TATDN2: variants seen among roughly 807,000 people sequenced by gnomAD.
The protein encoded by TATDN2 is 3'-5' RNA nuclease TATDN2.
Under a neutral mutation model 60.3 loss-of-function variants are expected in TATDN2, and 44 were observed. The observed-to-expected ratio is 0.73, with a 90% CI of 0.57 to 0.94. TATDN2 has a LOEUF of 0.94. Among genes scored for constraint, TATDN2 ranks in the 40% least tolerant of loss-of-function variants. The pLI is 0.00. For synonymous variants in TATDN2, 399 were observed against 355.8 expected (o/e 1.12, Z -1.37); for missense variants, 997 against 948.0 (o/e 1.05, Z -0.68).
At chr3:10,261,193 A>G (rs958487486) in intron 3 of TATDN2, among the ~76,000 whole-genome samples, 1 of 152,202 alleles carries the variant, frequency 6.6e-6, no homozygotes, top group Non-Finnish European at 1.5e-5. Flanking sequence ...GCTGTTGACA[A>G]GAGCGGGGAA....
At chr3:10,268,843 G>A (rs1290681682) in intron 3 of TATDN2, among the ~76,000 whole-genome samples, 2 of 152,184 alleles carry the variant, frequency 1.3e-5, no homozygotes, top group Non-Finnish European at 2.9e-5. Context: ...TCCTGATCTC[G>A]TGGCGCTTAC....
Position 10,278,328 on chromosome 3 carries a change from T to C in TATDN2, c.2011T>C (p.Phe671Leu). 1 of 1,614,200 alleles carries C rather than the reference T, an allele frequency of 6.2e-7. No homozygotes were observed. The highest frequency in any genetic ancestry group is 1.7e-5 in the Admixed American group (1 of 60,026). Residue 671 changes from phenylalanine to leucine, a missense_variant, in exon 6 of 8, where the codon TTT becomes CTT. Physicochemically the swap from Phe to Leu is conservative, Grantham distance 22. Transcript: ENST00000448281. The surrounding 1 kb of genome is among the most constrained non-coding windows in gnomAD (Gnocchi z 4.7). ...YPVIEPLLKY[F>L]PNMSVGFTAV... is the part of the protein sequence containing the mutation. ...GGTCATTGAGCCCCTGCTGAAGTACTTTCCCAACATGTCTGTGGGCTTCAC... is the reference window on the plus strand; with the variant it reads ...GGTCATTGAGCCCCTGCTGAAGTACCTTCCCAACATGTCTGTGGGCTTCAC...
rs1401550212 is a variant in TATDN2 at position 10,249,313 on chromosome 3, C to G, written c.113C>G (p.Pro38Arg). 6.2e-7 allele frequency: 1 copy of G among 1,608,314 alleles called. No individual in the cohort carries two copies. The highest frequency in any genetic ancestry group is 1.1e-5 in the South Asian group (1 of 90,790). ...EPCDVAPSSR[P>R]AQRSASRSGG... ...TGTGATGTGGCCCCCTCCAGCCGGC[C>G]AGCTCAGAGGTCTGCGTCGCGTTCT... Residue 38 changes from proline to arginine, a missense_variant, in exon 2 of 8, where the codon CCA becomes CGA. Transcript: ENST00000448281.
In TATDN2 at chr3:10,267,615, C is replaced by T. The variant is rs971119005; in HGVS notation, c.949-2516C>T. Among the ~76,000 whole-genome samples, 9 of 152,238 alleles carry T rather than the reference C, an allele frequency of 5.9e-5. No homozygotes were observed. In the East Asian group the frequency reaches 1.2e-3, roughly 20 times the overall value. ...TTGTAAAAAATGGGGTCATATGTCT[C>T]GTTTTTGCTGATGAGAATATAGTAC... On this transcript the variant is annotated intron_variant, in intron 3 of 7. Transcript: ENST00000448281.
intron 3 of TATDN2, among the ~76,000 whole-genome samples, chr3:10,263,840 C>A (rs898358954): frequency 1.3e-5 from 2 of 152,182 alleles, no homozygotes; most frequent in Non-Finnish European, 2.9e-5. Flanking sequence ...AGCGTAAAGA[C>A]TTTGAGCTTT....
chr3:10,249,735 C>G (rs568877843), intron 2 of TATDN2, 121 bp downstream of exon 2: 1 of 1,219,012 alleles, frequency 8.2e-7, no homozygotes, highest in Admixed American at 3.6e-5. Flanking sequence ...TCTGGAAGGT[C>G]TTTCTAGAAG....
Position 10,270,232 on chromosome 3 carries a change from C to A in TATDN2, c.1050C>A (p.Val350=). The A allele has an allele frequency of 4.3e-6, 7 of 1,614,190 alleles. No individual in the cohort carries two copies. The highest frequency in any genetic ancestry group is 5.9e-6 in the Non-Finnish European group (7 of 1,180,050). Residue 350 remains valine (V), a synonymous_variant, in exon 4 of 8, where the codon GTC becomes GTA. Coordinates refer to ENST00000448281, the MANE Select transcript of TATDN2 (RefSeq NM_014760.4). The stretch of plus-strand genomic sequence containing the variant: ...TCAGATTCTCTCAGGAGGAACCTGT[C>A]TCCCTGAAACCTTCAGCCGTTCCGG... ...STVRFSQEEP[V]SLKPSAVPEP...
At chr3:10,260,089 G>C (rs187508524) in intron 2 of TATDN2, 48 bp from the exon 3 acceptor site, 1 of 1,559,198 alleles carries the variant, frequency 6.4e-7, no homozygotes, top group East Asian at 2.2e-5. Flanking sequence ...CTTCATGTAC[G>C]AAAGTGCCCT....
chr3:10,274,360 C>T (rs1054989818), intron 4 of TATDN2, among the ~76,000 whole-genome samples: 15 of 151,434 alleles, frequency 9.9e-5, no homozygotes, highest in Non-Finnish European at 1.9e-4. Flanking sequence ...ATGCACCTGT[C>T]GTAGGTTGGA....
Position 10,260,632 on chromosome 3 carries a change from T to C in TATDN2, c.910T>C (p.Phe304Leu). 1 of 1,613,926 alleles carries C rather than the reference T, an allele frequency of 6.2e-7. No individual in the cohort carries two copies. The change falls in exon 3 of 8, where the codon TTC becomes CTC. Residue 304 changes from phenylalanine to leucine, a missense_variant. By Grantham distance (22) the Phe-to-Leu change is conservative. Transcript: ENST00000448281. ...VIDKCSPPLE[F>L]LDDSDSHLEI... is the part of the protein sequence containing the mutation. Reference sequence around the variant, plus strand: ...TGACAAATGCTCTCCACCCCTAGAGTTCTTGGATGACTCTGACTCTCATTT... The same window carrying C: ...TGACAAATGCTCTCCACCCCTAGAGCTCTTGGATGACTCTGACTCTCATTT...
rs1451866493 is a variant in TATDN2 at position 10,249,521 on chromosome 3, G to C, written c.321G>C (p.Arg107=). The change falls in exon 2 of 8, where the codon CGG becomes CGC. Residue 107 remains arginine (R), a synonymous_variant. Transcript: ENST00000448281. The part of the protein sequence containing the change: ...ASKGCLIRNT[R]GFLSSGGSPL... ...AAGGCTGCCTGATTCGGAACACTCG[G>C]GGGTTCCTGTCTTCAGGGGGATCCC... 6.2e-7 allele frequency: 1 copy of C among 1,607,092 alleles called. No homozygotes were observed. Among genetic ancestry groups the C allele is most frequent in the Non-Finnish European group, 8.5e-7 (1 of 1,176,634 alleles).
intron 3 of TATDN2, among the ~76,000 whole-genome samples, chr3:10,262,029 C>T (rs928354843): frequency 2.0e-5 from 3 of 152,204 alleles, no homozygotes; most frequent in Non-Finnish European, 4.4e-5. Context: ...ACTTCATTTT[C>T]CTTAAAGTTC....
In TATDN2 at chr3:10,278,670, CA is replaced by C; in HGVS notation, c.2145+211del. On this transcript the variant is annotated intron_variant, in intron 6 of 7. Transcript: ENST00000448281. This position sits in a 1 kb window ranked among gnomAD's most constrained non-coding sequence, Gnocchi z 4.7. ...GGTAACCACTCTCTTCCAGGCAGTG[CA>C]AAGCCCTACCCTGTAGAGGGTAGTC... 1 of 979,596 alleles carries C rather than the reference CA, an allele frequency of 1.0e-6. No individual in the cohort carries two copies. The highest frequency in any genetic ancestry group is 1.6e-6 in the Non-Finnish European group (1 of 636,798). 60.7% of individuals were successfully genotyped at this position (979,596 alleles called of 1,614,324 possible).
intron 4 of TATDN2, among the ~76,000 whole-genome samples, chr3:10,272,900 G>A (rs1698586589): frequency 6.6e-6 from 1 of 151,928 alleles, no homozygotes; most frequent in Non-Finnish European, 1.5e-5. Flanking sequence ...TTAGCTGGGT[G>A]TGATGGTACA....
intron 4 of TATDN2, among the ~76,000 whole-genome samples, chr3:10,272,179 A>C (rs1439234288): frequency 6.6e-6 from 1 of 151,458 alleles, no homozygotes. Flanking sequence ...GCCACAGCTC[A>C]CTGCAGCCTT....
chr3:10,275,663 T>A (rs541722015), intron 4 of TATDN2, among the ~76,000 whole-genome samples: 29 of 152,184 alleles, frequency 1.9e-4, no homozygotes, highest in Non-Finnish European at 3.4e-4. Context: ...GGAGAATCGC[T>A]TGAACCCAGG....
chr3:10,271,803 G>A (rs1234753645), intron 4 of TATDN2, among the ~76,000 whole-genome samples: 3 of 104,118 alleles, frequency 2.9e-5, no homozygotes, highest in Non-Finnish European at 5.2e-5. Flanking sequence ...CTCCACCTCC[G>A]CCTCCGCCTC....
chr3:10,263,202 A>ATT (rs1263923105), intron 3 of TATDN2, among the ~76,000 whole-genome samples: 4 of 134,682 alleles, frequency 3.0e-5, no homozygotes, highest in East Asian at 2.2e-4. Context: ...CCCAACCTGT[A>ATT]TTTTTTTTTT....
In TATDN2 at chr3:10,278,910, C is replaced by G. The variant is rs1389380204; in HGVS notation, c.2171C>G (p.Ala724Gly). The change falls in exon 7 of 8, where the codon GCC becomes GGC. Residue 724 changes from alanine to glycine, a missense_variant. Ala to Gly is a moderately conservative substitution (Grantham distance 60). Transcript: ENST00000448281. The surrounding 1 kb of genome is among the most constrained non-coding windows in gnomAD (Gnocchi z 4.7). ...GTTCCCAAAAGCCTTTGCCAGTATG[C>G]CCACCCGGGCCTGGCCTTGCATACG... is the stretch of plus-strand genomic sequence containing the variant. ...RQVPKSLCQY[A>G]HPGLALHTVR... is the part of the protein sequence containing the mutation. 6.2e-7 allele frequency: 1 copy of G among 1,613,274 alleles called. No homozygotes were observed.
Sources: allele counts gnomAD v4.1 joint callset (sites outside exome capture counted in the v4.1 genomes callset), GRCh38; gene constraint gnomAD v4.1.1; non-coding constraint Gnocchi (gnomAD v3.1); transcripts MANE v1.5; gene names NCBI Gene and HGNC (gene_info 2026-07-23, HGNC 2026-07-21).